The following RAB3GAP2 variants were observed in gnomAD, a reference collection of about 807,000 sequenced individuals.
RAB3GAP2 encodes the protein RAB3 GTPase activating non-catalytic protein subunit 2.
Under a neutral mutation model 185.3 loss-of-function variants are expected in RAB3GAP2, and 87 were observed. The ratio of observed to expected loss-of-function variants is 0.47; its 90% CI spans 0.39 to 0.56. RAB3GAP2 has a LOEUF of 0.56. Among genes scored for constraint, RAB3GAP2 ranks in the 20% least tolerant of loss-of-function variants. RAB3GAP2 has a pLI of 0.00. For synonymous variants in RAB3GAP2, 554 were observed against 576.1 expected (o/e 0.96, Z 0.55); for missense variants, 1,492 against 1,638.2 (o/e 0.91, Z 1.54).
intron 9 of RAB3GAP2, among the ~76,000 whole-genome samples, chr1:220,197,480 C>G (rs931023605): frequency 2.0e-5 from 3 of 152,080 alleles, no homozygotes; most frequent in Non-Finnish European, 1.5e-5. Context: ...CAAACAAATC[C>G]TTGGACTATT....
At chr1:220,204,189 TTC>T (rs986511818) in intron 8 of RAB3GAP2, among the ~76,000 whole-genome samples, 1 of 152,178 alleles carries the variant, frequency 6.6e-6, no homozygotes, top group Non-Finnish European at 1.5e-5. Context: ...TCAAAAATTT[TTC>T]TCTGTCTTTT....
Position 220,236,467 on chromosome 1 carries a change from C to T in RAB3GAP2, c.116-3604G>A, listed in dbSNP as rs180860208. Among the ~76,000 whole-genome samples the T allele has an allele frequency of 1.6e-3, 242 of 152,170 alleles. 1 individual carries two copies. Among genetic ancestry groups the T allele is most frequent in the African/African-American group, 5.4e-3 (226 of 41,516 alleles). ...CTGGGATTATAGGCATGAGACACTG[C>T]GCTCCGCCCCTTGTGGCTATTTCTA... On this transcript the variant is annotated intron_variant, in intron 1 of 34. Transcript: ENST00000358951.
At chr1:220,184,532 T>C (rs1027170013) in intron 18 of RAB3GAP2, among the ~76,000 whole-genome samples, 1 of 152,122 alleles carries the variant, frequency 6.6e-6, no homozygotes, top group Admixed American at 6.5e-5. Flanking sequence ...ATATTTATTC[T>C]TTAAAAAGGG....
intron 1 of RAB3GAP2, among the ~76,000 whole-genome samples, chr1:220,246,921 A>AT (rs199521688): frequency 3.9e-5 from 6 of 152,070 alleles, no homozygotes; most frequent in Non-Finnish European, 8.8e-5. Flanking sequence ...AAATAAATAA[A>AT]AAGAAGAAAA....
chr1:220,190,530 T>A lies in RAB3GAP2; in HGVS notation c.1488-10A>T. ...GCCAGGATACAGCAGCCTAAAGAAA[T>A]CACATACCAATATGGTAAAAATATT... On this transcript the variant is annotated splice_polypyrimidine_tract_variant and intron_variant, in intron 14 of 34. Transcript: ENST00000358951. 6.3e-7 allele frequency: 1 copy of A among 1,582,852 alleles called. No homozygotes were observed.
At chr1:220,182,459 A>C (rs1206793230) in intron 20 of RAB3GAP2, 105 bp from the exon 21 acceptor site, 1 of 1,542,790 alleles carries the variant, frequency 6.5e-7, no homozygotes, top group East Asian at 2.4e-5. Flanking sequence ...AAACATTATG[A>C]AGGAAGAGAA....
chr1:220,178,617 C>G (rs1473529666), intron 21 of RAB3GAP2, among the ~76,000 whole-genome samples: 3 of 151,584 alleles, frequency 2.0e-5, no homozygotes, highest in Non-Finnish European at 2.9e-5. Flanking sequence ...TTTTGTAAGC[C>G]TCATGGTAAT....
rs1022453819 is a variant in RAB3GAP2, at chr1:220,149,032, C to CCTT, written c.*2216_*2218dup. Reference sequence around the variant, plus strand: ...ATCAATAACTACAAAGTACCACATACCTTTGTTTCAGAAACCACCCATTCT... The same window carrying CCTT: ...ATCAATAACTACAAAGTACCACATACCTTCTTTGTTTCAGAAACCACCCATTCT... On this transcript the variant is annotated 3_prime_UTR_variant, in exon 35 of 35. Transcript: ENST00000358951. 1.3e-5 allele frequency: 2 copies of CCTT among 152,166 alleles called. No individual in the cohort carries two copies. Among genetic ancestry groups the CCTT allele is most frequent in the Non-Finnish European group, 2.9e-5 (2 of 68,020 alleles). The allele number at this position is 152,166 out of a possible 1,614,324, so 9.4% of individuals were successfully genotyped here.
At chr1:220,223,561 A>G (rs1041963170) in intron 2 of RAB3GAP2, among the ~76,000 whole-genome samples, 5 of 152,180 alleles carry the variant, frequency 3.3e-5, no homozygotes, top group Non-Finnish European at 7.3e-5. Flanking sequence ...CAAAGACTAA[A>G]GTATGATAAC....
chr1:220,254,725 T>C (rs1306917455), intron 1 of RAB3GAP2, among the ~76,000 whole-genome samples: 3 of 152,096 alleles, frequency 2.0e-5, no homozygotes, highest in African/African-American at 7.2e-5. Flanking sequence ...TTTTTTTTTT[T>C]CATTTCAAAG....
intron 2 of RAB3GAP2, among the ~76,000 whole-genome samples, chr1:220,221,155 T>C (rs1659298501): frequency 6.6e-6 from 1 of 152,206 alleles, no homozygotes; most frequent in African/African-American, 2.4e-5. Context: ...GAATAGAAAA[T>C]TATCATACAG....
At chr1:220,251,223 T>C (rs1022075268) in intron 1 of RAB3GAP2, among the ~76,000 whole-genome samples, 45 of 152,196 alleles carry the variant, frequency 3.0e-4, no homozygotes, top group Non-Finnish European at 5.6e-4. Flanking sequence ...CACCTTAGAT[T>C]TCACACTTAC....
chr1:220,189,639 G>T (rs1658574914), intron 17 of RAB3GAP2, 64 bp downstream of exon 17: 1 of 1,427,462 alleles, frequency 7.0e-7, no homozygotes. Context: ...GGAAAATAAA[G>T]ATTTTCTTAA....
At chr1:220,207,870 G>C (rs1658998716) in intron 7 of RAB3GAP2, 1 of 152,040 alleles carries the variant, frequency 6.6e-6, no homozygotes, top group Non-Finnish European at 1.5e-5. Context: ...CCTCTCTTTC[G>C]AATCCTCTCC....
intron 32 of RAB3GAP2, 196 bp from the exon 33 acceptor site, chr1:220,153,602 A>G (rs1456925561): frequency 5.8e-6 from 2 of 347,200 alleles, no homozygotes; most frequent in Admixed American, 8.8e-5. Context: ...AAATATTATT[A>G]TTATTTTTTA....
At chr1:220,193,718 C>T (rs77412256) in intron 12 of RAB3GAP2, among the ~76,000 whole-genome samples, 10,515 of 152,190 alleles carry the variant, frequency 0.069, 481 homozygotes, top group Middle Eastern at 0.11. Flanking sequence ...CCCACACAGG[C>T]ATCTTTTGTC....
chr1:220,195,490 G>C, intron 10 of RAB3GAP2, 113 bp from the exon 11 acceptor site: 1 of 961,906 alleles, frequency 1.0e-6, no homozygotes, highest in African/African-American at 1.6e-5. Context: ...GGCTGGACTA[G>C]CAACTCAGCT....
rs970165665 is a variant in RAB3GAP2, at chr1:220,182,196, C to G, written c.2310+61G>C. The G allele has an allele frequency of 8.8e-6, 14 of 1,596,714 alleles. No individual in the cohort carries two copies. In the African/African-American group the frequency reaches 1.8e-4, roughly 20 times the overall value. ...ACAATAGTTAAAAAAAAAAAGAAGA[C>G]TGACACTTCTGGGTGACATTCACAA... On this transcript the variant is annotated intron_variant, in intron 21 of 34. Transcript: ENST00000358951.
intron 1 of RAB3GAP2, among the ~76,000 whole-genome samples, chr1:220,246,137 A>G (rs1401017096): frequency 6.6e-6 from 1 of 152,198 alleles, no homozygotes; most frequent in Non-Finnish European, 1.5e-5. Flanking sequence ...ACACTTCTCA[A>G]AAGAAGACAT....
Sources: allele counts gnomAD v4.1 joint callset (sites outside exome capture counted in the v4.1 genomes callset), GRCh38; gene constraint gnomAD v4.1.1; transcripts MANE v1.5; gene names NCBI Gene and HGNC (gene_info 2026-07-23, HGNC 2026-07-21).